EXOC2: variants seen among roughly 807,000 people sequenced by gnomAD.
EXOC2 encodes the protein SEC5-like 1.
EXOC2 carries 70 observed loss-of-function variants against 131.8 expected under a neutral mutation model. The observed-to-expected ratio is 0.53, with a 90% confidence interval of 0.44 to 0.65. The LOEUF (loss-of-function observed/expected upper bound fraction) is 0.65, where lower values mean the gene tolerates loss of function less well. Among genes scored for constraint, EXOC2 ranks in the 30% least tolerant of loss-of-function variants. The pLI, the probability that EXOC2 is intolerant of heterozygous loss-of-function variation, is 0.00. For missense variants in EXOC2, 923 were observed against 1,108.6 expected (o/e 0.83, Z 2.38); for synonymous variants, 411 against 398.4 (o/e 1.03, Z -0.38).
In EXOC2 at chr6:568,408, C is replaced by T. The variant is rs568788057; in HGVS notation, c.1444-3479G>A. 3.9e-5 allele frequency among the ~76,000 whole-genome samples: 6 copies of T among 152,344 alleles called. No homozygotes were observed. In the South Asian group the frequency reaches 6.2e-4, roughly 16 times the overall value. On this transcript the variant is annotated intron_variant, in intron 13 of 27. Transcript: ENST00000230449. ...CATGTGCTCTCCTTAGGTCTCGAGC[C>T]GGCTGGCATTCAAACTGGAGCTTAC...
intron 1 of EXOC2, among the ~76,000 whole-genome samples, chr6:651,107 T>C (rs1270604320): frequency 6.6e-6 from 1 of 151,326 alleles, no homozygotes; most frequent in East Asian, 1.9e-4. Flanking sequence ...CTCGGCTCAC[T>C]GCAAGCTCTG....
intron 1 of EXOC2, among the ~76,000 whole-genome samples, chr6:677,936 A>ACACG (rs1764226976): frequency 1.7e-5 from 1 of 57,422 alleles, no homozygotes; most frequent in African/African-American, 5.5e-5. Context: ...ATAATCTCTC[A>ACACG]CACACACACA....
chr6:633,142 C>T, intron 2 of EXOC2, 25 bp from the exon 3 acceptor site: 3 of 1,605,370 alleles, frequency 1.9e-6, no homozygotes, highest in Non-Finnish European at 2.5e-6. Flanking sequence ...ATGTGCATAA[C>T]AAAATTCAAA....
At chr6:639,628 T>C (rs1481657599) in intron 1 of EXOC2, among the ~76,000 whole-genome samples, 1 of 152,220 alleles carries the variant, frequency 6.6e-6, no homozygotes, top group East Asian at 1.9e-4. Flanking sequence ...CCTGAGTGTC[T>C]TCCCTGCAAA....
At chr6:508,043 T>G (rs760420285) in intron 23 of EXOC2, among the ~76,000 whole-genome samples, 1 of 152,210 alleles carries the variant, frequency 6.6e-6, no homozygotes, top group Non-Finnish European at 1.5e-5. Context: ...TTCCTATGAA[T>G]ATATTTTTTT....
At chr6:690,531 G>A (rs983417845) in intron 1 of EXOC2, among the ~76,000 whole-genome samples, 12 of 151,886 alleles carry the variant, frequency 7.9e-5, no homozygotes, top group Non-Finnish European at 1.6e-4. Context: ...GTGAAACCCC[G>A]TCTCTACTAA....
chr6:564,629 T>C lies in EXOC2; in HGVS notation c.1583A>G (p.Asp528Gly). Reference sequence around the variant, plus strand: ...GCCTCCGTACTGCTTGGCTTCCCCATCCCGGATGCTGAGGGGAAGCAGGGC... The same window carrying C: ...GCCTCCGTACTGCTTGGCTTCCCCACCCCGGATGCTGAGGGGAAGCAGGGC... Reference protein sequence around the residue: ...RGALLPLSIRDGEAKQYGGWE... With the variant: ...RGALLPLSIRGGEAKQYGGWE... The change falls in exon 15 of 28, where the codon GAT becomes GGT. Residue 528 changes from aspartate to glycine, a missense_variant. Physicochemically the swap from Asp to Gly is moderately conservative, Grantham distance 94. Coordinates refer to ENST00000230449, the MANE Select transcript of EXOC2 (RefSeq NM_018303.6). 1 of 1,612,926 alleles carries C rather than the reference T, an allele frequency of 6.2e-7. No individual in the cohort carries two copies. Among genetic ancestry groups the C allele is most frequent in the South Asian group, 1.1e-5 (1 of 90,774 alleles).
chr6:650,502 T>TAGAA (rs1762781756), intron 1 of EXOC2, among the ~76,000 whole-genome samples: 1 of 152,228 alleles, frequency 6.6e-6, no homozygotes, highest in Non-Finnish European at 1.5e-5. Context: ...TAAAACGTTT[T>TAGAA]TACTGTATAA....
chr6:603,532 C>G (rs1489005932), intron 7 of EXOC2, among the ~76,000 whole-genome samples: 2 of 152,118 alleles, frequency 1.3e-5, no homozygotes, highest in African/African-American at 2.4e-5. Context: ...GAGTTGGCAG[C>G]TTGAAACCAA....
chr6:580,399 C>T (rs1041963696), intron 11 of EXOC2, among the ~76,000 whole-genome samples: 1 of 152,144 alleles, frequency 6.6e-6, no homozygotes, highest in Non-Finnish European at 1.5e-5. Context: ...CTGCCCTTTT[C>T]AAACTAATGC....
intron 1 of EXOC2, among the ~76,000 whole-genome samples, chr6:682,824 T>G (rs1456194874): frequency 2.0e-5 from 3 of 152,216 alleles, no homozygotes; most frequent in Non-Finnish European, 4.4e-5. Flanking sequence ...TGTACAACTT[T>G]GTGAATAACT....
Position 485,971 on chromosome 6 carries a change from C to T in EXOC2, c.*700G>A, listed in dbSNP as rs1268686841. ...ACACAGGGCCTCAGGGACTGCAACA[C>T]GTGCATGTGTAGTGACGCACGACAA... On this transcript the variant is annotated 3_prime_UTR_variant, in exon 28 of 28. Transcript: ENST00000230449. The T allele has an allele frequency of 5.3e-5, 8 of 152,230 alleles. No individual in the cohort carries two copies. The highest frequency in any genetic ancestry group is 8.8e-5 in the Non-Finnish European group (6 of 68,060). The allele number at this position is 152,230 out of a possible 1,614,324, so 9.4% of individuals were successfully genotyped here. A position where few individuals can be genotyped will look rare whatever the true frequency, so the allele number is the denominator to read the frequency against.
chr6:624,440 T>C (rs946473479), intron 4 of EXOC2, among the ~76,000 whole-genome samples: 3 of 152,266 alleles, frequency 2.0e-5, no homozygotes, highest in African/African-American at 4.8e-5. Context: ...TTCTGACACA[T>C]GATAAATGCT....
chr6:583,653 T>G (rs1341841231), intron 11 of EXOC2, among the ~76,000 whole-genome samples: 1 of 152,234 alleles, frequency 6.6e-6, no homozygotes, highest in East Asian at 1.9e-4. Context: ...TGAATCTACT[T>G]TCTCACTGTG....
intron 23 of EXOC2, among the ~76,000 whole-genome samples, chr6:507,897 C>T (rs190648067): frequency 5.3e-5 from 8 of 152,326 alleles, no homozygotes; most frequent in African/African-American, 1.2e-4. Context: ...ACCAAGTCTT[C>T]GTCCTTAATT....
At chr6:533,293 C>G (rs1344488825) in intron 22 of EXOC2, among the ~76,000 whole-genome samples, 1 of 152,108 alleles carries the variant, frequency 6.6e-6, no homozygotes, top group Non-Finnish European at 1.5e-5. Flanking sequence ...ATTGTAATAG[C>G]CAGTAAACTA....
intron 1 of EXOC2, among the ~76,000 whole-genome samples, chr6:678,762 G>T (rs1407872633): frequency 6.6e-6 from 1 of 152,140 alleles, no homozygotes; most frequent in Non-Finnish European, 1.5e-5. Flanking sequence ...AACACGGTGG[G>T]AAAATTCCAA....
Position 564,634 on chromosome 6 carries a change from G to A in EXOC2, c.1578C>T (p.Ile526=), listed in dbSNP as rs1757873301. Residue 526 remains isoleucine (I), a synonymous_variant, in exon 15 of 28, where the codon ATC becomes ATT. Coordinates refer to ENST00000230449, the MANE Select transcript of EXOC2 (RefSeq NM_018303.6). ...LTRGALLPLS[I]RDGEAKQYGG... is the part of the protein sequence containing the mutation. ...CGTACTGCTTGGCTTCCCCATCCCG[G>A]ATGCTGAGGGGAAGCAGGGCTCCGC... 1 of 1,612,634 alleles carries A rather than the reference G, an allele frequency of 6.2e-7. No individual in the cohort carries two copies.
At chr6:602,648 G>A (rs1333265795) in intron 7 of EXOC2, among the ~76,000 whole-genome samples, 1 of 152,154 alleles carries the variant, frequency 6.6e-6, no homozygotes, top group African/African-American at 2.4e-5. Context: ...TGCCAGCCTT[G>A]GGCAAACCAA....
Sources: allele counts gnomAD v4.1 joint callset (sites outside exome capture counted in the v4.1 genomes callset), GRCh38; gene constraint gnomAD v4.1.1; transcripts MANE v1.5; gene names NCBI Gene and HGNC (gene_info 2026-07-23, HGNC 2026-07-21).